The following RUNX1 variants were observed in gnomAD, a reference collection of about 807,000 sequenced individuals.
The protein encoded by RUNX1 is RUNX family transcription factor 1, also known as runt-related transcription factor 1.
In RUNX1, 19 loss-of-function variants were observed where a neutral mutation model predicts 42.8. The observed-to-expected ratio is 0.44, with a 90% CI of 0.31 to 0.65. The LOEUF (loss-of-function observed/expected upper bound fraction) is 0.65, where lower values mean the gene tolerates loss of function less well. RUNX1 is among the 30% of genes least tolerant of loss of function. The pLI is 0.07. For missense variants in RUNX1, 528 were observed against 672.0 expected (o/e 0.79, Z 2.37); for synonymous variants, 271 against 289.4 (o/e 0.94, Z 0.64).
At chr21:34,868,557 C>T (rs964814370) in intron 5 of RUNX1, among the ~76,000 whole-genome samples, 2 of 152,194 alleles carry the variant, frequency 1.3e-5, no homozygotes, top group African/African-American at 4.8e-5. Flanking sequence ...GCTTTCTCTG[C>T]TGGGACATGA....
At chr21:34,908,580 G>A (rs2058244741) in intron 2 of RUNX1, among the ~76,000 whole-genome samples, 1 of 152,158 alleles carries the variant, frequency 6.6e-6, no homozygotes, top group Non-Finnish European at 1.5e-5. Context: ...GTGGACAGGG[G>A]GGTCGGGGGA....
chr21:35,001,913 T>C (rs2059047243), intron 2 of RUNX1, among the ~76,000 whole-genome samples: 1 of 151,890 alleles, frequency 6.6e-6, no homozygotes, highest in African/African-American at 2.4e-5. Context: ...AAGAACAAAA[T>C]ATGTACAAGT....
chr21:34,999,634 A>T (rs2059024886), intron 2 of RUNX1, among the ~76,000 whole-genome samples: 1 of 152,202 alleles, frequency 6.6e-6, no homozygotes. Flanking sequence ...CTAGTGTTCG[A>T]CATGTGGGGA....
intron 2 of RUNX1, among the ~76,000 whole-genome samples, chr21:34,930,286 A>G (rs1256353378): frequency 7.2e-6 from 1 of 139,534 alleles, no homozygotes; most frequent in African/African-American, 2.8e-5. Context: ...ATATATATAT[A>G]TATATAAATA....
intron 7 of RUNX1, chr21:34,829,881 T>C (rs1390625224): frequency 6.6e-6 from 1 of 152,238 alleles, no homozygotes; most frequent in African/African-American, 2.4e-5. Context: ...ATTTATCTCC[T>C]TCTCCTACAG....
chr21:34,889,754 G>A (rs1601536207), intron 3 of RUNX1: 2 of 1,161,080 alleles, frequency 1.7e-6, no homozygotes, highest in Non-Finnish European at 2.1e-6. Flanking sequence ...GGAGCTCGGA[G>A]GGCCCCGCCC....
chr21:34,803,561 A>T (rs2056638278), intron 7 of RUNX1, among the ~76,000 whole-genome samples: 1 of 151,340 alleles, frequency 6.6e-6, no homozygotes, highest in South Asian at 2.1e-4. Flanking sequence ...AAAAAAAAAT[A>T]ATAATAAATA....
intron 3 of RUNX1, among the ~76,000 whole-genome samples, chr21:34,891,707 T>TAA (rs200304107): frequency 1.5e-4 from 22 of 147,802 alleles, no homozygotes; most frequent in Admixed American, 1.1e-3. Flanking sequence ...AATGCAAAAT[T>TAA]AAAAAAAAAA....
chr21:34,909,535 G>A (rs1481954062), intron 2 of RUNX1, among the ~76,000 whole-genome samples: 1 of 141,616 alleles, frequency 7.1e-6, no homozygotes. Context: ...CAGCTCACAT[G>A]TGGCTACAAA....
At chr21:34,924,088 C>G (rs1211402938) in intron 2 of RUNX1, among the ~76,000 whole-genome samples, 2 of 57,238 alleles carry the variant, frequency 3.5e-5, no homozygotes, top group Non-Finnish European at 1.3e-4. Context: ...ACTCAGTGAC[C>G]CACCCCCCGC....
At chr21:34,988,288 G>A (rs915730856) in intron 2 of RUNX1, among the ~76,000 whole-genome samples, 2 of 152,150 alleles carry the variant, frequency 1.3e-5, no homozygotes, top group East Asian at 3.9e-4. Context: ...ACAGCCGGGG[G>A]AAACATGGTT....
intron 5 of RUNX1, among the ~76,000 whole-genome samples, chr21:34,875,446 T>G (rs961713252): frequency 1.3e-5 from 2 of 152,214 alleles, no homozygotes; most frequent in African/African-American, 4.8e-5. Context: ...CAATGAGATC[T>G]GAATACAGAT....
At chr21:34,905,273 G>T (rs916368039) in intron 2 of RUNX1, among the ~76,000 whole-genome samples, 4 of 152,300 alleles carry the variant, frequency 2.6e-5, no homozygotes, top group African/African-American at 9.6e-5. Context: ...GCTCACAAGA[G>T]AATTCATTCT....
intron 2 of RUNX1, among the ~76,000 whole-genome samples, chr21:34,962,620 T>C (rs2146711213): frequency 6.6e-6 from 1 of 152,344 alleles, no homozygotes; most frequent in East Asian, 1.9e-4. Context: ...TTTGAGGCTG[T>C]GCTTGGGTGA....
At chr21:34,840,981 G>A (rs1399273591) in intron 6 of RUNX1, among the ~76,000 whole-genome samples, 2 of 152,142 alleles carry the variant, frequency 1.3e-5, no homozygotes, top group Non-Finnish European at 2.9e-5. Context: ...GAGGGAGTGG[G>A]ACATTAAACA....
chr21:34,832,714 C>A (rs549195895), intron 7 of RUNX1, among the ~76,000 whole-genome samples: 1 of 152,068 alleles, frequency 6.6e-6, no homozygotes, highest in African/African-American at 2.4e-5. Context: ...ACTGAACATA[C>A]CATTTGACTT....
At chr21:35,034,004 T>A (rs1252820907) in intron 2 of RUNX1, among the ~76,000 whole-genome samples, 3 of 152,196 alleles carry the variant, frequency 2.0e-5, no homozygotes, top group Non-Finnish European at 4.4e-5. Flanking sequence ...ATAACTTATT[T>A]TAAGTTTATT....
At chr21:34,991,544 CGATGAT>C (rs10578831) in intron 2 of RUNX1, among the ~76,000 whole-genome samples, 25,308 of 150,938 alleles carry the variant, frequency 0.17, 2,357 homozygotes, top group Admixed American at 0.24. Flanking sequence ...GCAGGGATTA[CGATGAT>C]GATGATGATG....
Position 34,789,493 on chromosome 21 carries a change from T to C in RUNX1, c.*2642A>G, listed in dbSNP as rs112327235. ...CAGACACATGCAGTTATTACATGAT[T>C]GGCTTAAGGGTCTCATTGATACCTT... On this transcript the variant is annotated 3_prime_UTR_variant, in exon 9 of 9. Transcript: ENST00000675419. 2,284 of 233,696 alleles carry C rather than the reference T, an allele frequency of 9.8e-3. 13 individuals are homozygous for C. The highest frequency in any genetic ancestry group is 0.014 in the Non-Finnish European group (1,634 of 118,064). 14.5% of individuals were successfully genotyped at this position (233,696 alleles called of 1,614,324 possible).
Sources: gnomAD v4.1 joint callset for allele counts (sites outside exome capture counted in the v4.1 genomes callset) on GRCh38, gnomAD v4.1.1 for gene constraint, MANE v1.5 for transcripts, NCBI Gene and HGNC (gene_info 2026-07-23, HGNC 2026-07-21) for gene names.